CEP70: variants seen among roughly 807,000 people sequenced by gnomAD.
CEP70 encodes the protein centrosomal protein of 70 kDa.
CEP70 carries 70 observed loss-of-function variants against 90.9 expected under a neutral mutation model. The ratio of observed to expected loss-of-function variants is 0.77; its 90% CI spans 0.64 to 0.94. The LOEUF is 0.94. Ranked by LOEUF, CEP70 falls within the 40% of genes least tolerant of loss-of-function variation. The pLI, the probability that CEP70 is intolerant of heterozygous loss-of-function variation, is 0.00. For synonymous variants in CEP70, 220 were observed against 228.3 expected (o/e 0.96, Z 0.33); for missense variants, 648 against 669.0 (o/e 0.97, Z 0.35).
chr3:138,530,711 G>A (rs1032728607), intron 8 of CEP70: 77 of 985,114 alleles, frequency 7.8e-5, no homozygotes, highest in Middle Eastern at 5.2e-4. Flanking sequence ...GGCTTCCCCC[G>A]TCTTCTCTTT....
chr3:138,563,486 T>C (rs1246093932), intron 6 of CEP70, among the ~76,000 whole-genome samples: 3 of 152,106 alleles, frequency 2.0e-5, no homozygotes, highest in Non-Finnish European at 2.9e-5. Flanking sequence ...ACAGAAATCA[T>C]AACAAACAGT....
chr3:138,555,381 A>C (rs1437171265), intron 6 of CEP70, among the ~76,000 whole-genome samples: 1 of 152,186 alleles, frequency 6.6e-6, no homozygotes, highest in Non-Finnish European at 1.5e-5. Flanking sequence ...AGATTTCATG[A>C]CCAAGAACTC....
Position 138,500,394 on chromosome 3 carries a change from A to G in CEP70, c.1537+5T>C. 1.3e-6 allele frequency: 2 copies of G among 1,571,422 alleles called. No homozygotes were observed. Among genetic ancestry groups the G allele is most frequent in the African/African-American group, 1.4e-5 (1 of 72,604 alleles). ...GGGGCCCAAAATGACAAATTAGGTC[A>G]TCACCTAATTCTAAGAGTTCTTGGA... On this transcript the variant is annotated splice_donor_5th_base_variant and intron_variant, in intron 15 of 17. Transcript: ENST00000264982.
chr3:138,566,496 T>C (rs1443372299), intron 6 of CEP70, among the ~76,000 whole-genome samples: 1 of 152,104 alleles, frequency 6.6e-6, no homozygotes, highest in Non-Finnish European at 1.5e-5. Context: ...TATGCAGCCA[T>C]GAAAAGGAGG....
intron 10 of CEP70, among the ~76,000 whole-genome samples, chr3:138,527,060 A>C (rs1034528975): frequency 6.6e-6 from 1 of 152,240 alleles, no homozygotes; most frequent in African/African-American, 2.4e-5. Flanking sequence ...AGTCTAGGAA[A>C]TATAAACTAA....
intron 6 of CEP70, among the ~76,000 whole-genome samples, chr3:138,564,622 A>T (rs956427872): frequency 1.3e-5 from 2 of 152,216 alleles, no homozygotes; most frequent in Non-Finnish European, 2.9e-5. Flanking sequence ...ATAGATGCAG[A>T]AAAGGACTTC....
At chr3:138,519,437 G>C (rs1442623778) in intron 11 of CEP70, among the ~76,000 whole-genome samples, 6 of 152,176 alleles carry the variant, frequency 3.9e-5, no homozygotes, top group South Asian at 4.1e-4. Flanking sequence ...AGAGAGAAAG[G>C]TCGGGTTACC....
rs1422835148 is a variant in CEP70 at position 138,500,769 on chromosome 3, T to C, written c.1334A>G (p.Asp445Gly). 1 of 1,604,100 alleles carries C rather than the reference T, an allele frequency of 6.2e-7. No homozygotes were observed. ...ATTTTCAACTTCTTCCAGCATAGTA[T>C]CTACTATAAACAACAAATCTTCAAC... ...IKVEDLLFIV[D>G]TMLEEVENKE... Residue 445 changes from aspartate (D) to glycine (G), a missense_variant, in exon 14 of 18, where the codon GAT becomes GGT. Transcript: ENST00000264982.
In CEP70 at chr3:138,494,446, T is replaced by C. The variant is rs992409942; in HGVS notation, c.*569A>G. 2.6e-5 allele frequency: 4 copies of C among 152,260 alleles called. No homozygotes were observed. The highest frequency in any genetic ancestry group is 5.9e-5 in the Non-Finnish European group (4 of 68,060). 9.4% of individuals were successfully genotyped at this position (152,260 alleles called of 1,614,324 possible). ...ACACTTTTTAAATGAGAGACTTCTA[T>C]CTACTCATCCATTTTACCCTATGAT... On this transcript the variant is annotated 3_prime_UTR_variant, in exon 18 of 18. Coordinates refer to ENST00000264982, the MANE Select transcript of CEP70 (RefSeq NM_024491.4).
At chr3:138,593,548 A>C (rs1300644260) in intron 1 of CEP70, among the ~76,000 whole-genome samples, 3 of 152,206 alleles carry the variant, frequency 2.0e-5, no homozygotes, top group African/African-American at 7.2e-5. Context: ...ATTGAAAAAC[A>C]AAGTGGCAGT....
intron 8 of CEP70, chr3:138,530,913 A>T (rs2037752688): frequency 1.1e-6 from 1 of 922,088 alleles, no homozygotes; most frequent in Non-Finnish European, 1.3e-6. Flanking sequence ...AACTCCACTC[A>T]GTCAATGAAT....
chr3:138,582,388 C>T (rs2041908583), intron 2 of CEP70, among the ~76,000 whole-genome samples: 1 of 152,068 alleles, frequency 6.6e-6, no homozygotes, highest in Non-Finnish European at 1.5e-5. Context: ...AGGAGAATCG[C>T]TTGAACCTGG....
intron 2 of CEP70, among the ~76,000 whole-genome samples, chr3:138,584,247 A>G (rs1352246546): frequency 6.6e-6 from 1 of 152,050 alleles, no homozygotes; most frequent in Non-Finnish European, 1.5e-5. Flanking sequence ...GAACAGACCA[A>G]TAACAACTAA....
chr3:138,528,581 C>T (rs921045844), intron 10 of CEP70, among the ~76,000 whole-genome samples: 19 of 152,068 alleles, frequency 1.2e-4, no homozygotes, highest in South Asian at 2.1e-4. Context: ...AAAAATTGGC[C>T]GGATGCAGTG....
chr3:138,536,921 T>C, intron 7 of CEP70: 1 of 240,472 alleles, frequency 4.2e-6, no homozygotes, highest in Non-Finnish European at 7.9e-6. Flanking sequence ...GAGAAATGTC[T>C]GATTAATTAT....
chr3:138,509,472 A>G (rs2035317935), intron 11 of CEP70, among the ~76,000 whole-genome samples: 1 of 152,186 alleles, frequency 6.6e-6, no homozygotes, highest in Non-Finnish European at 1.5e-5. Flanking sequence ...AAATACAACT[A>G]TGTATAAGTG....
intron 6 of CEP70, among the ~76,000 whole-genome samples, chr3:138,559,654 G>A (rs1247750438): frequency 6.6e-6 from 1 of 152,222 alleles, no homozygotes; most frequent in Non-Finnish European, 1.5e-5. Flanking sequence ...GATCCCAGGA[G>A]GCGGAGGGTG....
chr3:138,565,150 A>C (rs2040693214), intron 6 of CEP70, among the ~76,000 whole-genome samples: 1 of 152,198 alleles, frequency 6.6e-6, no homozygotes, highest in Non-Finnish European at 1.5e-5. Flanking sequence ...GATGTAAAGG[A>C]CCTTTTCAAG....
intron 6 of CEP70, among the ~76,000 whole-genome samples, chr3:138,564,275 G>A (rs182291129): frequency 3.3e-5 from 5 of 152,290 alleles, no homozygotes; most frequent in Non-Finnish European, 7.4e-5. Flanking sequence ...TGTACAAAGA[G>A]GAGCTGGTAC....
Sources: allele counts gnomAD v4.1 joint callset (sites outside exome capture counted in the v4.1 genomes callset), GRCh38; gene constraint gnomAD v4.1.1; transcripts MANE v1.5; gene names NCBI Gene and HGNC (gene_info 2026-07-23, HGNC 2026-07-21).